The following GRB10 variants were observed in gnomAD, a reference collection of about 807,000 sequenced individuals.
GRB10 encodes the protein growth factor receptor-bound protein 10.
In GRB10, 20 loss-of-function variants were observed where a neutral mutation model predicts 80.9. That is an observed-to-expected ratio of 0.25 (90% CI 0.17 to 0.36). The LOEUF is 0.36. GRB10 is among the 10% of genes least tolerant of loss of function. The pLI, the probability that GRB10 is intolerant of heterozygous loss-of-function variation, is 1.00. For missense variants in GRB10, 548 were observed against 747.7 expected (o/e 0.73, Z 3.12); for synonymous variants, 291 against 291.5 (o/e 1.00, Z 0.02).
chr7:50,757,027 A>G (rs148069241), intron 2 of GRB10, among the ~76,000 whole-genome samples: 129 of 152,278 alleles, frequency 8.5e-4, no homozygotes, highest in Admixed American at 2.0e-3. Flanking sequence ...CCTAATTGTT[A>G]AACGGTGAAA....
At chr7:50,670,910 C>T (rs574367464) in intron 6 of GRB10, among the ~76,000 whole-genome samples, 2 of 152,198 alleles carry the variant, frequency 1.3e-5, no homozygotes, top group African/African-American at 2.4e-5. Flanking sequence ...ATCCACACAC[C>T]ACCTCTACTT....
At chr7:50,664,633 G>A (rs1027101985) in intron 7 of GRB10, among the ~76,000 whole-genome samples, 1 of 152,120 alleles carries the variant, frequency 6.6e-6, no homozygotes, top group African/African-American at 2.4e-5. Context: ...AGAAGGCCCC[G>A]GAGGGTCTGA....
intron 2 of GRB10, among the ~76,000 whole-genome samples, chr7:50,772,361 A>G (rs1210904319): frequency 6.6e-6 from 1 of 152,222 alleles, no homozygotes; most frequent in Non-Finnish European, 1.5e-5. Flanking sequence ...CACATTCTCG[A>G]TGCAAGAGTC....
chr7:50,783,483 C>T (rs113424366), upstream of GRB10, among the ~76,000 whole-genome samples: 2 of 106,358 alleles, frequency 1.9e-5, no homozygotes, highest in East Asian at 3.0e-4. Context: ...CATACATACA[C>T]ACCACACACA....
At chr7:50,732,498 A>G in intron 3 of GRB10, 130 bp from the exon 4 acceptor site, 2 of 657,754 alleles carry the variant, frequency 3.0e-6, no homozygotes, top group East Asian at 5.5e-5. Flanking sequence ...CAGTAAGGAC[A>G]CTTGCTCGGG....
At chr7:50,721,886 G>GA (rs2067808822) in intron 4 of GRB10, among the ~76,000 whole-genome samples, 1 of 152,244 alleles carries the variant, frequency 6.6e-6, no homozygotes, top group South Asian at 2.1e-4. Context: ...TGTGGGAAGG[G>GA]AAGGTGTCTG....
intron 4 of GRB10, chr7:50,729,487 G>T (rs1587589021): frequency 6.6e-6 from 1 of 152,138 alleles, no homozygotes; most frequent in Non-Finnish European, 1.5e-5. Flanking sequence ...GCTGGACATG[G>T]TTAAGAATTA....
chr7:50,713,669 CCACCTCCACCTCCTCCATTGT>C (rs1270277365), intron 4 of GRB10, among the ~76,000 whole-genome samples: 25 of 136,726 alleles, frequency 1.8e-4, no homozygotes, highest in Admixed American at 1.3e-3. Flanking sequence ...TCCTCCACCA[CCACCTCCACCTCCTCCATTGT>C]CACCTCCACC....
At chr7:50,735,414 TA>T (rs1239057520) in intron 3 of GRB10, among the ~76,000 whole-genome samples, 3 of 152,208 alleles carry the variant, frequency 2.0e-5, no homozygotes, top group South Asian at 2.1e-4. Flanking sequence ...ATCCTAATGA[TA>T]TTTTTTTTTG....
At chr7:50,771,348 G>A (rs1370432610) in intron 2 of GRB10, among the ~76,000 whole-genome samples, 5 of 152,104 alleles carry the variant, frequency 3.3e-5, no homozygotes, top group Non-Finnish European at 5.9e-5. Flanking sequence ...TTGAAAAGTG[G>A]CTCAACTGTT....
Position 50,626,853 on chromosome 7 carries a change from T to G in GRB10, c.630A>C (p.Thr210=), listed in dbSNP as rs538711584. The G allele has an allele frequency of 7.4e-6, 12 of 1,614,136 alleles. No homozygotes were observed. The highest frequency in any genetic ancestry group is 1.3e-5 in the African/African-American group (1 of 75,028). Residue 210 remains threonine, a synonymous_variant, in exon 8 of 19, where the codon ACA becomes ACC. Coordinates refer to ENST00000401949, the MANE Select transcript of GRB10 (RefSeq NM_001350814.2). ...KSHCVDDNSW[T]LVEHHPHLGL... ...CTAGGTGCGGGTGGTGCTCCACTAG[T>G]GTCCAGCTGTTGTCATCCACACAGT...
In GRB10 at chr7:50,684,267, C is replaced by CAAAAAAAAAAAAAA. The variant is rs386410128; in HGVS notation, c.140-9623_140-9610dup. ...CAGACAACTGCAACTCAATCATCAC[C>CAAAAAAAAAAAAAA]AAAAAAAAAAAAAAAAAAAAAGGTA... On this transcript the variant is annotated intron_variant, in intron 5 of 18. Transcript: ENST00000401949. Among the ~76,000 whole-genome samples, 18 of 62,298 alleles carry CAAAAAAAAAAAAAA rather than the reference C, an allele frequency of 2.9e-4. 1 individual carries two copies. Among genetic ancestry groups the CAAAAAAAAAAAAAA allele is most frequent in the African/African-American group, 1.1e-3 (16 of 14,180 alleles). The allele number at this position is 62,298 out of a possible 152,430, so 40.9% of individuals were successfully genotyped here.
intron 3 of GRB10, among the ~76,000 whole-genome samples, chr7:50,744,098 A>G (rs998201687): frequency 6.6e-6 from 1 of 151,918 alleles, no homozygotes; most frequent in Admixed American, 6.6e-5. Context: ...AGGCATGTGC[A>G]GAGAAGAGGA....
In GRB10 at chr7:50,658,511, G is replaced by A. The variant is rs543115835; in HGVS notation, c.504+11211C>T. Among the ~76,000 whole-genome samples, 5 of 152,296 alleles carry A rather than the reference G, an allele frequency of 3.3e-5. No homozygotes were observed. In the South Asian group the frequency reaches 1.0e-3, roughly 32 times the overall value. On this transcript the variant is annotated intron_variant, in intron 7 of 18. Transcript: ENST00000401949. ...GACTGCACACTGCCCTTGCCTTTGA[G>A]TCCACAGGAGCCTCACGTAGATGGC...
intron 7 of GRB10, among the ~76,000 whole-genome samples, chr7:50,669,419 G>A (rs1361149429): frequency 6.6e-6 from 1 of 152,130 alleles, no homozygotes; most frequent in Non-Finnish European, 1.5e-5. Flanking sequence ...GATCTCGTGA[G>A]AACTTACTAT....
intron 5 of GRB10, among the ~76,000 whole-genome samples, chr7:50,694,390 C>A (rs754270336): frequency 2.6e-5 from 4 of 152,180 alleles, no homozygotes; most frequent in Non-Finnish European, 5.9e-5. Context: ...GATACCAATA[C>A]AAGAGTAGGG....
At chr7:50,674,033 C>T (rs921206673) in intron 6 of GRB10, among the ~76,000 whole-genome samples, 3 of 152,166 alleles carry the variant, frequency 2.0e-5, no homozygotes, top group Non-Finnish European at 2.9e-5. Flanking sequence ...TGGGGTTGCA[C>T]GACAAGCTCC....
upstream of GRB10, among the ~76,000 whole-genome samples, chr7:50,783,647 A>ACAGTAAG (rs1360248543): frequency 2.0e-5 from 3 of 152,212 alleles, no homozygotes; most frequent in Admixed American, 2.0e-4. Flanking sequence ...TTACAAGGCC[A>ACAGTAAG]CAGTAAGCAG....
chr7:50,786,262 A>C (rs902670955), upstream of GRB10, among the ~76,000 whole-genome samples: 56 of 152,292 alleles, frequency 3.7e-4, no homozygotes, highest in Middle Eastern at 3.4e-3. Context: ...GTGGCTAAAA[A>C]CCAAATAACT....
Sources: gnomAD v4.1 joint callset for allele counts (sites outside exome capture counted in the v4.1 genomes callset) on GRCh38, gnomAD v4.1.1 for gene constraint, MANE v1.5 for transcripts, NCBI Gene and HGNC (gene_info 2026-07-23, HGNC 2026-07-21) for gene names.